ZNF234: variants seen among roughly 807,000 people sequenced by gnomAD.
ZNF234 encodes C2-H2 type zinc finger protein.
In ZNF234, 4 loss-of-function variants were observed where a neutral mutation model predicts 10.3. The observed-to-expected ratio is 0.39, with a 90% CI of 0.19 to 0.89. The LOEUF (loss-of-function observed/expected upper bound fraction) is 0.89, where lower values mean the gene tolerates loss of function less well. Ranked by LOEUF, ZNF234 falls within the 40% of genes least tolerant of loss-of-function variation. ZNF234 has a pLI of 0.38. For synonymous variants in ZNF234, 258 were observed against 280.1 expected, an observed-to-expected ratio of 0.92 and a Z score of 0.79; for missense variants, 711 against 836.1, an observed-to-expected ratio of 0.85 and a Z score of 1.85.
chr19:44,144,628 G>T lies in ZNF234; in HGVS notation c.-5G>T. The T allele has an allele frequency of 6.4e-7, 1 of 1,572,876 alleles. No homozygotes were observed. The highest frequency in any genetic ancestry group is 8.7e-7 in the Non-Finnish European group (1 of 1,155,674). The stretch of plus-strand genomic sequence containing the variant: ...CTCTGCAAATTCCCAGAAACAGGAG[G>T]AAAAATGACCACATTCAAGGTGAAT... On this transcript the variant is annotated 5_prime_UTR_variant, in exon 3 of 6. Transcript: ENST00000426739.
intron 3 of ZNF234, among the ~76,000 whole-genome samples, chr19:44,147,508 G>A (rs1431401924): frequency 6.6e-6 from 1 of 151,872 alleles, no homozygotes; most frequent in Non-Finnish European, 1.5e-5. Flanking sequence ...AAAGTGCTGG[G>A]ATTACAGGTG....
rs764285863 is a variant in ZNF234 at position 44,156,627 on chromosome 19, A to C, written c.611A>C (p.Tyr204Ser). ...HQRVHMGEKC[Y>S]KCDVCGKEFS... Reference sequence around the variant, plus strand: ...AGAGTCCACATGGGAGAGAAATGCTATAAGTGTGACGTGTGTGGTAAGGAA... The same window carrying C: ...AGAGTCCACATGGGAGAGAAATGCTCTAAGTGTGACGTGTGTGGTAAGGAA... Residue 204 changes from tyrosine (Y) to serine (S), a missense_variant, in exon 6 of 6, where the codon TAT (tyrosine) becomes TCT (serine). Physicochemically the swap from Tyr to Ser is moderately radical, Grantham distance 144. Transcript: ENST00000426739. 6.2e-7 allele frequency: 1 copy of C among 1,614,186 alleles called. No homozygotes were observed. The highest frequency in any genetic ancestry group is 8.5e-7 in the Non-Finnish European group (1 of 1,180,020).
In ZNF234 at chr19:44,157,509, A is replaced by T; in HGVS notation, c.1493A>T (p.Asp498Val). The change falls in exon 6 of 6, where the codon GAT (aspartate) becomes GTT (valine). Residue 498 changes from aspartate (D) to valine (V), a missense_variant. Asp to Val is a radical substitution (Grantham distance 152). Transcript: ENST00000426739. ...GGAAAGGGATTTAGTCGTAGAGCAGATCTTAAAATTCATTGTAGGATCCAC... is the reference window on the plus strand; with the variant it reads ...GGAAAGGGATTTAGTCGTAGAGCAGTTCTTAAAATTCATTGTAGGATCCAC... ...ECGKGFSRRA[D>V]LKIHCRIHTG... 6.2e-7 allele frequency: 1 copy of T among 1,614,164 alleles called. No individual in the cohort carries two copies. The highest frequency in any genetic ancestry group is 8.5e-7 in the Non-Finnish European group (1 of 1,180,028).
rs1968903545 is a variant in ZNF234, at chr19:44,156,996, G to T, written c.980G>T (p.Cys327Phe). ...KCEDCGKCFT[C>F]SSNLRIHQRV... ...GAGGACTGTGGTAAGTGTTTCACTT[G>T]TAGCTCAAACCTTCGTATCCATCAA... Residue 327 changes from cysteine (C) to phenylalanine (F), a missense_variant, in exon 6 of 6, where the codon TGT becomes TTT. Cys to Phe is a radical substitution (Grantham distance 205, BLOSUM62 -2). Transcript: ENST00000426739. 2 of 1,613,976 alleles carry T rather than the reference G, an allele frequency of 1.2e-6. No homozygotes were observed. Among genetic ancestry groups the T allele is most frequent in the African/African-American group, 1.3e-5 (1 of 74,988 alleles).
At chr19:44,151,413 G>A (rs1416293114) in intron 5 of ZNF234, among the ~76,000 whole-genome samples, 1 of 152,008 alleles carries the variant, frequency 6.6e-6, no homozygotes, top group African/African-American at 2.4e-5. Flanking sequence ...ATGTTGGCCA[G>A]GCTGGTCTCC....
intron 4 of ZNF234, chr19:44,149,877 A>C (rs759664333): frequency 2.6e-5 from 4 of 152,358 alleles, no homozygotes; most frequent in African/African-American, 9.6e-5. Flanking sequence ...ACCTATGCCC[A>C]CAAAAGGAGA....
chr19:44,158,134 AC>A lies in ZNF234; in HGVS notation c.*16del. On this transcript the variant is annotated 3_prime_UTR_variant, in exon 6 of 6. Coordinates refer to ENST00000426739, the MANE Select transcript of ZNF234 (RefSeq NM_006630.3). Reference sequence around the variant, plus strand: ...CTACAAGGTGATTAAAAAAAAAAAAACAGAACTCATGTACAACCTGAATGCT... The same window carrying A: ...CTACAAGGTGATTAAAAAAAAAAAAAAGAACTCATGTACAACCTGAATGCT... 1.0e-5 allele frequency: 16 copies of A among 1,581,586 alleles called. No homozygotes were observed. The highest frequency in any genetic ancestry group is 1.4e-5 in the Non-Finnish European group (16 of 1,170,210).
rs1414606349 is a variant in ZNF234, at chr19:44,156,475, C to CA, written c.465dup (p.Ser156IlefsTer4). On this transcript the variant is annotated frameshift_variant, in exon 6 of 6. Coordinates refer to ENST00000426739, the MANE Select transcript of ZNF234 (RefSeq NM_006630.3). LOFTEE classifies it low-confidence loss of function (END_TRUNC). ...AGAAATTTTACCAATGTGATGAGTA[C>CA]AAAAAATCCTTCACTGATGTCTTCA... 1.1e-5 allele frequency: 18 copies of CA among 1,613,828 alleles called. No individual in the cohort carries two copies. Among genetic ancestry groups the CA allele is most frequent in the Non-Finnish European group, 1.5e-5 (18 of 1,179,914 alleles).
Position 44,157,512 on chromosome 19 carries a change from T to C in ZNF234, c.1496T>C (p.Leu499Pro). Residue 499 changes from leucine (L) to proline (P), a missense_variant, in exon 6 of 6, where the codon CTT (leucine) becomes CCT (proline). Transcript: ENST00000426739. The part of the protein sequence containing the change: ...CGKGFSRRAD[L>P]KIHCRIHTGE... ...AAGGGATTTAGTCGTAGAGCAGATC[T>C]TAAAATTCATTGTAGGATCCACACA... 6.2e-7 allele frequency: 1 copy of C among 1,613,726 alleles called. No homozygotes were observed.
chr19:44,153,224 T>A (rs995823432), intron 5 of ZNF234, among the ~76,000 whole-genome samples: 3 of 137,916 alleles, frequency 2.2e-5, no homozygotes, highest in African/African-American at 8.2e-5. Context: ...CTATGAATAT[T>A]TTCCCAAGGT....
chr19:44,142,605 A>T (rs1352972915), intron 2 of ZNF234, among the ~76,000 whole-genome samples: 1 of 152,154 alleles, frequency 6.6e-6, no homozygotes, highest in African/African-American at 2.4e-5. Flanking sequence ...CGAGTTGATC[A>T]TCTCTTGGAT....
intron 3 of ZNF234, among the ~76,000 whole-genome samples, chr19:44,147,593 C>T (rs1968632457): frequency 6.6e-6 from 1 of 152,156 alleles, no homozygotes; most frequent in South Asian, 2.1e-4. Flanking sequence ...TGACTCATGC[C>T]TGTAATCCCA....
intron 5 of ZNF234, 80 bp downstream of exon 5, chr19:44,150,585 G>A: frequency 1.6e-6 from 2 of 1,232,718 alleles, no homozygotes; most frequent in Non-Finnish European, 2.2e-6. Flanking sequence ...GCTGCCATCG[G>A]GTCCAAATTG....
rs1968993070 is a variant in ZNF234, at chr19:44,159,844, A to AC, written c.*1727dup. 4.9e-6 allele frequency: 1 copy of AC among 203,780 alleles called. No homozygotes were observed. The highest frequency in any genetic ancestry group is 1.2e-4 in the East Asian group (1 of 8,664). 12.6% of individuals were successfully genotyped at this position (203,780 alleles called of 1,614,324 possible). A position where few individuals can be genotyped will look rare whatever the true frequency, so the allele number is the denominator to read the frequency against. On this transcript the variant is annotated 3_prime_UTR_variant, in exon 6 of 6. Transcript: ENST00000426739. ...AGGTCAGGACTTAGAGACCAGCCTG[A>AC]CCAACATGGTGAAACCCCATCTCTA...
chr19:44,156,175 G>T (rs888669166), intron 5 of ZNF234, 77 bp from the exon 6 acceptor site: 3 of 1,342,654 alleles, frequency 2.2e-6, no homozygotes, highest in Non-Finnish European at 3.1e-6. Flanking sequence ...TGTTAAAATC[G>T]CATGCTCTCG....
At position 44,157,888 on chromosome 19, in the gene ZNF234, C is replaced by A; in HGVS notation, c.1872C>A (p.Tyr624Ter). 1.2e-6 allele frequency: 2 copies of A among 1,614,090 alleles called. No individual in the cohort carries two copies. Among genetic ancestry groups the A allele is most frequent in the East Asian group, 2.2e-5 (1 of 44,866 alleles). Residue 624 changes from tyrosine (Y) to a stop codon, truncating the protein, a stop_gained, in exon 6 of 6, where the codon TAC becomes TAA. Transcript: ENST00000426739. LOFTEE classifies it low-confidence loss of function (END_TRUNC). ...HQSVHTGEKP[Y>*]KCDVCGKVFS... ...GTGTCCACACAGGAGAGAAACCATA[C>A]AAATGTGATGTATGTGGTAAAGTCT...
chr19:44,156,855 G>A lies in ZNF234; in HGVS notation c.839G>A (p.Arg280Lys). Residue 280 changes from arginine to lysine, a missense_variant, in exon 6 of 6, where the codon AGA becomes AAA. Arg to Lys is a conservative substitution (Grantham distance 26). Transcript: ENST00000426739. Reference sequence around the variant, plus strand: ...GCTTCCCATCTTCAGGAACATCAGAGAATTCATACTGGGGAGAAACCATTC... The same window carrying A: ...GCTTCCCATCTTCAGGAACATCAGAAAATTCATACTGGGGAGAAACCATTC... ...IHASHLQEHQ[R>K]IHTGEKPFKC... is the part of the protein sequence containing the mutation. The A allele has an allele frequency of 6.2e-7, 1 of 1,613,366 alleles. No individual in the cohort carries two copies. Among genetic ancestry groups the A allele is most frequent in the Non-Finnish European group, 8.5e-7 (1 of 1,179,572 alleles).
intron 5 of ZNF234, among the ~76,000 whole-genome samples, chr19:44,152,448 GTTAT>G (rs1440074543): frequency 2.0e-5 from 3 of 152,192 alleles, no homozygotes; most frequent in Non-Finnish European, 2.9e-5. Context: ...GTTGCAGAAC[GTTAT>G]TTGTTTTCTG....
In ZNF234 at chr19:44,157,574, G is replaced by A; in HGVS notation, c.1558G>A (p.Val520Ile). ...ATATAATTGTGAGGAGTGTGGGAAG[G>A]TCTTCAGTCAGGCCTCGCATCTTCT... ...KPYNCEECGK[V>I]FSQASHLLTH... The change falls in exon 6 of 6, where the codon GTC becomes ATC. Residue 520 changes from valine (V) to isoleucine (I), a missense_variant. Coordinates refer to ENST00000426739, the MANE Select transcript of ZNF234 (RefSeq NM_006630.3). 3 of 1,613,816 alleles carry A rather than the reference G, an allele frequency of 1.9e-6. No individual in the cohort carries two copies. Among genetic ancestry groups the A allele is most frequent in the Non-Finnish European group, 2.5e-6 (3 of 1,179,934 alleles).
Sources: gnomAD v4.1 joint callset for allele counts (sites outside exome capture counted in the v4.1 genomes callset) on GRCh38, gnomAD v4.1.1 for gene constraint, MANE v1.5 for transcripts, NCBI Gene and HGNC (gene_info 2026-07-23, HGNC 2026-07-21) for gene names.